DLG1: variants seen among roughly 807,000 people sequenced by gnomAD.
DLG1 encodes disks large homolog 1.
In DLG1, 42 loss-of-function variants were observed where a neutral mutation model predicts 123.4. The observed-to-expected ratio is 0.34, with a 90% CI of 0.27 to 0.44. DLG1 has a LOEUF of 0.44. Among genes scored for constraint, DLG1 ranks in the 20% least tolerant of loss-of-function variants. DLG1 has a pLI of 1.00. For missense variants in DLG1, 942 were observed against 1,082.6 expected (o/e 0.87, Z 1.82); for synonymous variants, 317 against 356.2 (o/e 0.89, Z 1.24).
At chr3:197,054,018 GAAGTT>G (rs1268371652) in intron 23 of DLG1, among the ~76,000 whole-genome samples, 1 of 149,924 alleles carries the variant, frequency 6.7e-6, no homozygotes, top group Non-Finnish European at 1.5e-5. Flanking sequence ...TTGAGCCCAG[GAAGTT>G]AAGACAGCAG....
In DLG1 at chr3:197,247,553, T is replaced by C. The variant is rs559356755; in HGVS notation, c.318+35126A>G. On this transcript the variant is annotated intron_variant, in intron 4 of 24. Coordinates refer to ENST00000667157, the MANE Select transcript of DLG1 (RefSeq NM_001366207.1). ...CTCCTGGGAAACGGGACTCTTGTCA[T>C]TGACATACTTTATTAAAAGTTGACA... 1.9e-4 allele frequency among the ~76,000 whole-genome samples: 29 copies of C among 152,228 alleles called. No homozygotes were observed. In the South Asian group the frequency reaches 3.5e-3, roughly 18 times the overall value.
chr3:197,298,023 C>G (rs540732001), intron 1 of DLG1: 2 of 756,174 alleles, frequency 2.6e-6, no homozygotes, highest in East Asian at 1.3e-4. Flanking sequence ...CCGCGGCCCC[C>G]CGGCCCGCTC....
chr3:197,093,563 CTT>C (rs11359811), intron 14 of DLG1, among the ~76,000 whole-genome samples: 549 of 146,398 alleles, frequency 3.8e-3, no homozygotes, highest in African/African-American at 8.2e-3. Context: ...GTCATCCACG[CTT>C]TTTTTTTTTT....
At chr3:197,190,362 CA>C (rs1718616133) in intron 5 of DLG1, among the ~76,000 whole-genome samples, 1 of 147,354 alleles carries the variant, frequency 6.8e-6, no homozygotes. Context: ...ATACTGTACC[CA>C]AATCCTCACA....
intron 13 of DLG1, among the ~76,000 whole-genome samples, chr3:197,108,738 A>C (rs377673275): frequency 1.3e-5 from 2 of 152,172 alleles, no homozygotes; most frequent in East Asian, 3.9e-4. Flanking sequence ...GTTTACTTTC[A>C]ACCTTTTTGT....
intron 4 of DLG1, among the ~76,000 whole-genome samples, chr3:197,280,495 T>C (rs1768783298): frequency 6.6e-6 from 1 of 152,162 alleles, no homozygotes; most frequent in Non-Finnish European, 1.5e-5. Context: ...TCCTTTCTCT[T>C]GGACAGATAC....
chr3:197,198,217 C>G (rs185986860), intron 4 of DLG1, among the ~76,000 whole-genome samples: 1 of 152,120 alleles, frequency 6.6e-6, no homozygotes, highest in South Asian at 2.1e-4. Flanking sequence ...GGGCCAGGTG[C>G]GGTGGCTCAC....
At chr3:197,283,986 G>T (rs930103619) in intron 3 of DLG1, among the ~76,000 whole-genome samples, 2 of 150,342 alleles carry the variant, frequency 1.3e-5, no homozygotes, top group Non-Finnish European at 3.0e-5. Context: ...CTCAGCCTCC[G>T]AGTAGCTGGG....
intron 10 of DLG1, 22 bp from the exon 11 acceptor site, chr3:197,130,693 A>G (rs756462906): frequency 1.3e-6 from 2 of 1,563,636 alleles, no homozygotes; most frequent in African/African-American, 2.7e-5. Context: ...CCCAAAAGAC[A>G]TTTATGACAT....
At chr3:197,189,887 T>G (rs1321408178) in intron 5 of DLG1, among the ~76,000 whole-genome samples, 1 of 152,142 alleles carries the variant, frequency 6.6e-6, no homozygotes, top group Non-Finnish European at 1.5e-5. Context: ...TTCCACCAAT[T>G]TCAGAAATGG....
chr3:197,185,087 T>C (rs1715024299), intron 5 of DLG1, among the ~76,000 whole-genome samples: 2 of 152,190 alleles, frequency 1.3e-5, no homozygotes, highest in South Asian at 4.1e-4. Flanking sequence ...ATTACAACAA[T>C]GGTCATTTTA....
chr3:197,051,656 C>G lies in DLG1; in HGVS notation c.2496G>C (p.Lys832Asn). Reference sequence around the variant, plus strand: ...TTCTGGCTTGTTCTTCTGTTAGACGCTTATTCATTTCCCTACGAAAATAAA... The same window carrying G: ...TTCTGGCTTGTTCTTCTGTTAGACGGTTATTCATTTCCCTACGAAAATAAA... ...KSMENIMEMN[K>N]RLTEEQARKT... The change falls in exon 24 of 25, where the codon AAG becomes AAC. Residue 832 changes from lysine to asparagine, a missense_variant. Transcript: ENST00000667157. 6.2e-7 allele frequency: 1 copy of G among 1,612,638 alleles called. No individual in the cohort carries two copies. The highest frequency in any genetic ancestry group is 8.5e-7 in the Non-Finnish European group (1 of 1,178,964).
At position 197,127,425 on chromosome 3, in the gene DLG1, A is replaced by G. The variant is rs1464058723; in HGVS notation, c.1165+3102T>C. 3.4e-3 allele frequency among the ~76,000 whole-genome samples: 133 copies of G among 39,074 alleles called. 1 individual carries two copies. Among genetic ancestry groups the G allele is most frequent in the African/African-American group, 0.015 (131 of 8,628 alleles). 25.6% of individuals were successfully genotyped at this position (39,074 alleles called of 152,430 possible). On this transcript the variant is annotated intron_variant, in intron 11 of 24. Transcript: ENST00000667157. ...GCAACAGAGCGAGATTCTGTCTCCA[A>G]AAAAAAAAAAAAAAAAAAAAAAAAA...
At chr3:197,137,907 G>A (rs1785887950) in intron 9 of DLG1, among the ~76,000 whole-genome samples, 1 of 151,856 alleles carries the variant, frequency 6.6e-6, no homozygotes, top group South Asian at 2.1e-4. Flanking sequence ...AGGAGGCTGA[G>A]GCTGCAGTAA....
chr3:197,076,011 C>T (rs1298494333), intron 18 of DLG1: 3 of 537,464 alleles, frequency 5.6e-6, no homozygotes, highest in African/African-American at 3.9e-5. Flanking sequence ...AGCATTTTTA[C>T]ATATTTCTAG....
Position 197,044,343 on chromosome 3 carries a change from GA to G in DLG1, c.*279del, listed in dbSNP as rs1721568541. ...AAGTTACTTTCCCTTAAACATTAAG[GA>G]ATTTTACCACAATTTCTGCGTCTCC... On this transcript the variant is annotated 3_prime_UTR_variant, in exon 25 of 25. Coordinates refer to ENST00000667157, the MANE Select transcript of DLG1 (RefSeq NM_001366207.1). 3.8e-6 allele frequency: 1 copy of G among 266,246 alleles called. No homozygotes were observed. The highest frequency in any genetic ancestry group is 7.0e-6 in the Non-Finnish European group (1 of 142,616). 16.5% of individuals were successfully genotyped at this position (266,246 alleles called of 1,614,324 possible).
chr3:197,297,710 G>C, intron 1 of DLG1: 1 of 988,010 alleles, frequency 1.0e-6, no homozygotes, highest in Non-Finnish European at 1.2e-6. Context: ...TGCTCCAGCG[G>C]GGGCCGGACA....
chr3:197,156,002 A>G (rs1230135306), intron 5 of DLG1, among the ~76,000 whole-genome samples: 3 of 152,234 alleles, frequency 2.0e-5, no homozygotes, highest in African/African-American at 7.2e-5. Context: ...ATATTGGTAA[A>G]TAACGAAAAT....
At chr3:197,298,272 A>T (rs1458185533) in intron 1 of DLG1, 9 of 358,308 alleles carry the variant, frequency 2.5e-5, no homozygotes, top group Non-Finnish European at 4.5e-5. Context: ...GGGGGAGGGC[A>T]GGGGAACGGA....
Sources: allele counts gnomAD v4.1 joint callset (sites outside exome capture counted in the v4.1 genomes callset), GRCh38; gene constraint gnomAD v4.1.1; transcripts MANE v1.5; gene names NCBI Gene and HGNC (gene_info 2026-07-23, HGNC 2026-07-21).